The following ERCC6 variants were observed in gnomAD, a reference collection of about 807,000 sequenced individuals.
The protein encoded by ERCC6 is DNA excision repair protein ERCC-6.
In ERCC6, 116 loss-of-function variants were observed where a neutral mutation model predicts 158.7. The ratio of observed to expected loss-of-function variants is 0.73; its 90% CI spans 0.63 to 0.85. The LOEUF (loss-of-function observed/expected upper bound fraction) is 0.85. ERCC6 is among the 40% of genes least tolerant of loss of function. The probability of loss-of-function intolerance (pLI) is 0.00; values close to 1 mark genes in which losing one functional copy is unlikely to be tolerated. For synonymous variants in ERCC6, 678 were observed against 659.3 expected, an observed-to-expected ratio of 1.03 and a Z score of -0.43; for missense variants, 1,698 against 1,799.4, an observed-to-expected ratio of 0.94 and a Z score of 1.02.
chr10:49,532,296 G>A (rs1259350542), intron 2 of ERCC6, among the ~76,000 whole-genome samples: 2 of 152,118 alleles, frequency 1.3e-5, no homozygotes, highest in African/African-American at 4.8e-5. Flanking sequence ...TTCTCTTCTG[G>A]ACATTATGCA....
At chr10:49,474,833 G>A (rs991966449) in intron 12 of ERCC6, among the ~76,000 whole-genome samples, 2 of 152,128 alleles carry the variant, frequency 1.3e-5, no homozygotes, top group Non-Finnish European at 2.9e-5. Context: ...CAGAAGACAA[G>A]GGGTGAGTGC....
chr10:49,517,529 G>A (rs540041651), intron 5 of ERCC6, among the ~76,000 whole-genome samples: 6 of 152,264 alleles, frequency 3.9e-5, no homozygotes, highest in East Asian at 3.9e-4. Context: ...CATGCTTAGC[G>A]TTCCAATAAT....
At chr10:49,528,683 T>C (rs1010912596) in intron 3 of ERCC6, among the ~76,000 whole-genome samples, 158 bp from the exon 4 acceptor site, 1 of 152,198 alleles carries the variant, frequency 6.6e-6, no homozygotes, top group African/African-American at 2.4e-5. Flanking sequence ...TAGAGAGCCC[T>C]ATGTGAGCAA....
At chr10:49,464,767 CCA>C (rs749108144) in intron 18 of ERCC6, among the ~76,000 whole-genome samples, 6 of 152,234 alleles carry the variant, frequency 3.9e-5, no homozygotes, top group Non-Finnish European at 8.8e-5. Flanking sequence ...TTGGGAGCTT[CCA>C]CACAGTGTTG....
intron 18 of ERCC6, among the ~76,000 whole-genome samples, chr10:49,462,182 AC>A (rs1850595040): frequency 6.6e-6 from 1 of 152,218 alleles, no homozygotes; most frequent in African/African-American, 2.4e-5. Context: ...AAGAGACACA[AC>A]AGGAGATTGA....
the ERCC6 span, among the ~76,000 whole-genome samples, chr10:49,445,740 GAGAA>G: frequency 9.8e-5 from 15 of 152,290 alleles, no homozygotes; most frequent in African/African-American, 3.4e-4. Flanking sequence ...GGCTACAAAC[GAGAA>G]AGAAACTATA....
rs541267594 is a variant in ERCC6, at chr10:49,536,461, A to G, written c.-15+2501T>C. Among the ~76,000 whole-genome samples, 17 of 152,324 alleles carry G rather than the reference A, an allele frequency of 1.1e-4. No homozygotes were observed. In the East Asian group the frequency reaches 2.9e-3, roughly 26 times the overall value. ...ACACATCTTTCTCGGACTCTGGCAG[A>G]AGGAGGATTCCTGATAGATCTAAAT... On this transcript the variant is annotated intron_variant, in intron 1 of 20. Transcript: ENST00000355832.
At chr10:49,492,851 T>G (rs1313627921) in intron 8 of ERCC6, among the ~76,000 whole-genome samples, 1 of 152,234 alleles carries the variant, frequency 6.6e-6, no homozygotes, top group East Asian at 1.9e-4. Context: ...GCCAGGCTTG[T>G]GCCCTGTCTG....
chr10:49,524,770 C>T lies in ERCC6; in HGVS notation c.660G>A (p.Gly220=), dbSNP rs1297704330. 5.0e-6 allele frequency: 8 copies of T among 1,601,552 alleles called. No homozygotes were observed. Among genetic ancestry groups the T allele is most frequent in the Non-Finnish European group, 6.8e-6 (8 of 1,179,932 alleles). ...TGAGCATGCTGCCAAGACTGGATGG[C>T]CCCGGCTCTGAAAGAACAATAGCAA... ...HASLEEDAEP[G]PSSLGSMLMP... The change falls in exon 5 of 21, where the codon GGG becomes GGA. Residue 220 remains glycine, a synonymous_variant. Coordinates refer to ENST00000355832, the MANE Select transcript of ERCC6 (RefSeq NM_000124.4).
chr10:49,446,853 A>G, the ERCC6 span, among the ~76,000 whole-genome samples: 2 of 152,222 alleles, frequency 1.3e-5, no homozygotes, highest in Admixed American at 1.3e-4. Flanking sequence ...TTAACCAGAA[A>G]GTTAGAAATA....
At position 49,457,669 on chromosome 10, in the gene ERCC6, G is replaced by A. The variant is rs1177783846; in HGVS notation, c.*1146C>T. 1 of 152,186 alleles carries A rather than the reference G, an allele frequency of 6.6e-6. No homozygotes were observed. Among genetic ancestry groups the A allele is most frequent in the Non-Finnish European group, 1.5e-5 (1 of 68,042 alleles). The allele number at this position is 152,186 out of a possible 1,614,324, so 9.4% of individuals were successfully genotyped here. On this transcript the variant is annotated 3_prime_UTR_variant, in exon 21 of 21. Coordinates refer to ENST00000355832, the MANE Select transcript of ERCC6 (RefSeq NM_000124.4). ...AGAATACAAATCCAAGAAACAAACTGCACTAAGACAGCTAAGAAGAAATTT... is the reference window on the plus strand; with the variant it reads ...AGAATACAAATCCAAGAAACAAACTACACTAAGACAGCTAAGAAGAAATTT...
intron 7 of ERCC6, among the ~76,000 whole-genome samples, chr10:49,499,057 AAC>A (rs1851313157): frequency 6.6e-6 from 1 of 152,220 alleles, no homozygotes; most frequent in African/African-American, 2.4e-5. Context: ...TAAAAAAATT[AAC>A]AGTCATAGAT....
At chr10:49,488,537 C>T (rs890487547) in intron 8 of ERCC6, among the ~76,000 whole-genome samples, 1 of 152,094 alleles carries the variant, frequency 6.6e-6, no homozygotes, top group Non-Finnish European at 1.5e-5. Flanking sequence ...TATACACTGA[C>T]TCTAAAGTTA....
chr10:49,528,879 A>C (rs1837404160), intron 3 of ERCC6, among the ~76,000 whole-genome samples: 1 of 152,192 alleles, frequency 6.6e-6, no homozygotes, highest in Admixed American at 6.5e-5. Flanking sequence ...GCAAATCCCT[A>C]AACTACTCTG....
intron 6 of ERCC6, chr10:49,501,984 C>T (rs756278990): frequency 1.3e-5 from 2 of 151,880 alleles, no homozygotes; most frequent in South Asian, 4.2e-4. Flanking sequence ...AAAGATGATG[C>T]AAGATAAGGC....
At chr10:49,499,840 A>G (rs1851326836) in intron 7 of ERCC6, among the ~76,000 whole-genome samples, 1 of 152,218 alleles carries the variant, frequency 6.6e-6, no homozygotes, top group African/African-American at 2.4e-5. Flanking sequence ...TTAAATTTCT[A>G]AAGAGAATAA....
chr10:49,487,276 G>A (rs1851093226), intron 8 of ERCC6, among the ~76,000 whole-genome samples: 1 of 152,230 alleles, frequency 6.6e-6, no homozygotes, highest in African/African-American at 2.4e-5. Context: ...CACAATGCCT[G>A]GACCTATTAA....
At chr10:49,444,975 C>T in the ERCC6 span, among the ~76,000 whole-genome samples, 1 of 151,982 alleles carries the variant, frequency 6.6e-6, no homozygotes, top group Non-Finnish European at 1.5e-5. Flanking sequence ...TAGGGGTTCC[C>T]CACCTTCATC....
intron 10 of ERCC6, among the ~76,000 whole-genome samples, chr10:49,479,697 A>G (rs1246052585): frequency 1.3e-5 from 2 of 151,762 alleles, no homozygotes; most frequent in African/African-American, 2.4e-5. Flanking sequence ...CTCCACCCAC[A>G]CCCCCTTCCG....
Sources: gnomAD v4.1 joint callset for allele counts (sites outside exome capture counted in the v4.1 genomes callset) on GRCh38, gnomAD v4.1.1 for gene constraint, MANE v1.5 for transcripts, NCBI Gene and HGNC (gene_info 2026-07-23, HGNC 2026-07-21) for gene names.